Variants in NAALADL2 observed in about 807,000 individuals in gnomAD.
NAALADL2 encodes inactive N-acetylated-alpha-linked acidic dipeptidase-like protein 2.
Under a neutral mutation model 87.2 loss-of-function variants are expected in NAALADL2, and 76 were observed. The observed-to-expected ratio is 0.87, with a 90% CI of 0.72 to 1.05. The LOEUF (loss-of-function observed/expected upper bound fraction) is 1.05. NAALADL2 is among the 50% of genes least tolerant of loss of function. The probability of loss-of-function intolerance (pLI) is 0.00; values close to 1 mark genes in which losing one functional copy is unlikely to be tolerated. For missense variants in NAALADL2, 1,089 were observed against 945.8 expected, an observed-to-expected ratio of 1.15 and a Z score of -1.99; for synonymous variants, 354 against 331.0, an observed-to-expected ratio of 1.07 and a Z score of -0.75.
At chr3:175,038,477 C>G (rs776894637) in intron 1 of NAALADL2, among the ~76,000 whole-genome samples, 1 of 152,122 alleles carries the variant, frequency 6.6e-6, no homozygotes, top group African/African-American at 2.4e-5. Context: ...AGACCTTTGA[C>G]AAGGTAAAAT....
intron 4 of NAALADL2, 147 bp from the exon 5 acceptor site, chr3:175,324,028 C>CAAACAAAAAAAA (rs1553861101): frequency 1.1e-5 from 5 of 436,758 alleles, no homozygotes; most frequent in East Asian, 4.2e-5. Flanking sequence ...AAAAAACAAA[C>CAAACAAAAAAAA]AAAAAAAAAA....
intron 2 of NAALADL2, among the ~76,000 whole-genome samples, chr3:174,573,083 C>A (rs79790918): frequency 6.6e-6 from 1 of 152,116 alleles, no homozygotes; most frequent in African/African-American, 2.4e-5. Context: ...CGCATCACTA[C>A]CTACTGTATG....
intron 3 of NAALADL2, among the ~76,000 whole-genome samples, chr3:174,781,295 C>T (rs983352795): frequency 6.6e-6 from 1 of 151,752 alleles, no homozygotes; most frequent in Non-Finnish European, 1.5e-5. Flanking sequence ...TTGTGGTGTT[C>T]TCTGTATTTC....
chr3:175,690,930 C>A (rs1186557463), intron 11 of NAALADL2, among the ~76,000 whole-genome samples: 1 of 151,746 alleles, frequency 6.6e-6, no homozygotes, highest in Non-Finnish European at 1.5e-5. Flanking sequence ...ACTGTCAGTT[C>A]TTCTATGTTG....
intron 3 of NAALADL2, among the ~76,000 whole-genome samples, chr3:174,760,471 G>A (rs973530016): frequency 5.9e-5 from 9 of 152,208 alleles, no homozygotes; most frequent in Non-Finnish European, 1.3e-4. Context: ...TACTGCAATA[G>A]GGACTGTGGA....
intron 9 of NAALADL2, among the ~76,000 whole-genome samples, chr3:175,502,821 C>T (rs568609367): frequency 1.4e-4 from 21 of 152,110 alleles, no homozygotes; most frequent in African/African-American, 4.6e-4. Flanking sequence ...AGGAATTTTG[C>T]CTCATGAATT....
chr3:175,621,490 A>G (rs548282648), intron 10 of NAALADL2, among the ~76,000 whole-genome samples: 39 of 152,258 alleles, frequency 2.6e-4, no homozygotes, highest in Non-Finnish European at 4.9e-4. Flanking sequence ...GCCATTATTT[A>G]ATTACCAAGG....
intron 1 of NAALADL2, among the ~76,000 whole-genome samples, chr3:174,927,229 C>T (rs577502506): frequency 7.7e-4 from 117 of 152,114 alleles, no homozygotes; most frequent in African/African-American, 2.4e-3. Flanking sequence ...AGACCTACAA[C>T]GAGACTTAGA....
intron 3 of NAALADL2, among the ~76,000 whole-genome samples, chr3:174,815,705 T>C (rs1443516762): frequency 6.6e-6 from 1 of 152,182 alleles, no homozygotes; most frequent in African/African-American, 2.4e-5. Flanking sequence ...AATCATATAT[T>C]GAAATATTCC....
intron 2 of NAALADL2, among the ~76,000 whole-genome samples, chr3:175,180,729 G>A (rs1736342430): frequency 6.6e-6 from 1 of 150,734 alleles, no homozygotes; most frequent in Admixed American, 6.7e-5. Context: ...TAAATATAAT[G>A]TATAATATAA....
intron 2 of NAALADL2, among the ~76,000 whole-genome samples, chr3:174,625,061 T>C (rs199537065): frequency 1.9e-3 from 113 of 60,230 alleles, no homozygotes; most frequent in East Asian, 2.9e-3. Context: ...CTCTCTCTTT[T>C]TTTTTTTTTT....
intron 1 of NAALADL2, among the ~76,000 whole-genome samples, chr3:174,502,783 C>T (rs1256972938): frequency 6.6e-6 from 1 of 152,060 alleles, no homozygotes; most frequent in African/African-American, 2.4e-5. Context: ...GTAATCCCAG[C>T]AATTTGGGAG....
At chr3:175,002,932 CTCACTCTT>C (rs1748438642) in intron 1 of NAALADL2, among the ~76,000 whole-genome samples, 1 of 152,120 alleles carries the variant, frequency 6.6e-6, no homozygotes, top group Non-Finnish European at 1.5e-5. Flanking sequence ...ACCTTGCATC[CTCACTCTT>C]TCCATGGAGT....
In NAALADL2 at chr3:174,498,994, C is replaced by T. The variant is rs532757495; in HGVS notation, c.-183-51575C>T. ...GTTATTCTGAGAGAGAGAGAATACA[C>T]TCATAGAACTATTATTAAAGTATAT... is the stretch of plus-strand genomic sequence containing the variant. On this transcript the variant is annotated intron_variant, in intron 1 of 3. Coordinates refer to the NAALADL2 transcript ENST00000434257. Among the ~76,000 whole-genome samples the T allele has an allele frequency of 1.1e-4, 16 of 152,136 alleles. No homozygotes were observed. In the East Asian group the frequency reaches 2.5e-3, roughly 24 times the overall value.
chr3:175,790,723 C>T (rs2108287901), intron 13 of NAALADL2, among the ~76,000 whole-genome samples: 1 of 152,292 alleles, frequency 6.6e-6, no homozygotes, highest in East Asian at 1.9e-4. Flanking sequence ...AGTTATGTCT[C>T]CACATATACT....
intron 3 of NAALADL2, among the ~76,000 whole-genome samples, chr3:175,252,440 A>G (rs1405800593): frequency 6.6e-6 from 1 of 152,172 alleles, no homozygotes; most frequent in Non-Finnish European, 1.5e-5. Context: ...AATAAATATT[A>G]TTGAATTCTG....
At chr3:175,437,634 C>T (rs1033939095) in intron 5 of NAALADL2, among the ~76,000 whole-genome samples, 2 of 150,558 alleles carry the variant, frequency 1.3e-5, no homozygotes, top group Non-Finnish European at 3.0e-5. Context: ...AAGGAGCCCG[C>T]ATTGCCAAGT....
intron 1 of NAALADL2, among the ~76,000 whole-genome samples, chr3:174,908,077 A>T (rs1296216575): frequency 1.9e-5 from 2 of 103,742 alleles, no homozygotes; most frequent in Non-Finnish European, 3.7e-5. Flanking sequence ...TTTATCTCCC[A>T]CTTGATTTTA....
chr3:174,882,638 C>G (rs34828285), intron 1 of NAALADL2, among the ~76,000 whole-genome samples: 1 of 81,290 alleles, frequency 1.2e-5, no homozygotes, highest in Non-Finnish European at 2.4e-5. Flanking sequence ...TGCATATACA[C>G]ATATGTGCAT....
Sources: allele counts gnomAD v4.1 joint callset (sites outside exome capture counted in the v4.1 genomes callset), GRCh38; gene constraint gnomAD v4.1.1; transcripts MANE v1.5; gene names NCBI Gene and HGNC (gene_info 2026-07-23, HGNC 2026-07-21).